SNTG2: variants seen among roughly 807,000 people sequenced by gnomAD.
SNTG2 encodes syntrophin gamma 2, also known as gamma-2-syntrophin.
SNTG2 carries 74 observed loss-of-function variants against 70.9 expected under a neutral mutation model. The observed-to-expected ratio is 1.04, with a 90% CI of 0.86 to 1.27. The LOEUF (loss-of-function observed/expected upper bound fraction) is 1.27. SNTG2 is among the 50% of genes most tolerant of loss of function. The pLI, the probability that SNTG2 is intolerant of heterozygous loss-of-function variation, is 0.00. For synonymous variants in SNTG2, 278 were observed against 273.8 expected (o/e 1.02, Z -0.15); for missense variants, 717 against 690.7 (o/e 1.04, Z -0.43).
chr2:1,189,344 G>A (rs72768810), intron 8 of SNTG2, among the ~76,000 whole-genome samples: 37,951 of 151,804 alleles, frequency 0.25, 5,265 homozygotes, highest in East Asian at 0.44. Flanking sequence ...AATATATATC[G>A]TATGAGGATA....
rs1661276977 is a variant in SNTG2 at position 985,515 on chromosome 2, G to GCCC, written c.72+34449_72+34450insCCC. 2.0e-5 allele frequency among the ~76,000 whole-genome samples: 3 copies of GCCC among 152,226 alleles called. No individual in the cohort carries two copies. In the South Asian group the frequency reaches 6.2e-4, roughly 32 times the overall value. On this transcript the variant is annotated intron_variant, in intron 1 of 16. Transcript: ENST00000308624. ...AGCTCCCCAGCTCCCCCTCTGCTGG[G>GCCC]CCAGGCAGAGACACCCTGGGAGGAT...
rs1216234935 is a variant in SNTG2, at chr2:1,097,447, C to G, written c.211-749C>G. Reference sequence around the variant, plus strand: ...TAGTGTATTTTTGAGGTAAAAGCACCCTTTGGCCACTGTCCGTCTACCCCA... The same window carrying G: ...TAGTGTATTTTTGAGGTAAAAGCACGCTTTGGCCACTGTCCGTCTACCCCA... On this transcript the variant is annotated intron_variant, in intron 2 of 16. Transcript: ENST00000308624. The surrounding 1 kb of genome is among the most constrained non-coding windows in gnomAD (Gnocchi z 4.1). Among the ~76,000 whole-genome samples the G allele has an allele frequency of 2.6e-5, 4 of 152,138 alleles. No individual in the cohort carries two copies. Among genetic ancestry groups the G allele is most frequent in the Non-Finnish European group, 5.9e-5 (4 of 68,028 alleles).
chr2:1,252,748 C>T (rs1677839072), intron 12 of SNTG2, among the ~76,000 whole-genome samples: 1 of 152,148 alleles, frequency 6.6e-6, no homozygotes, highest in African/African-American at 2.4e-5. Context: ...CTCATATTTG[C>T]ACTCCAGCCT....
intron 12 of SNTG2, 129 bp downstream of exon 12, chr2:1,247,572 G>A (rs28694128): frequency 0.28 from 176,917 of 633,794 alleles, 28,162 homozygotes; most frequent in African/African-American, 0.55. Context: ...TGCTGTTTCT[G>A]CATGGTTGGA....
At chr2:1,020,567 T>C (rs1558315640) in intron 1 of SNTG2, among the ~76,000 whole-genome samples, 2 of 59,126 alleles carry the variant, frequency 3.4e-5, no homozygotes, top group Non-Finnish European at 7.3e-5. Flanking sequence ...TTGTAGGAAT[T>C]TTTTTTTTAA....
chr2:1,286,964 G>A lies in SNTG2; in HGVS notation c.1284+19393G>A, dbSNP rs139036948. Among the ~76,000 whole-genome samples the A allele has an allele frequency of 2.0e-3, 300 of 152,232 alleles. 1 individual carries two copies. Among genetic ancestry groups the A allele is most frequent in the Non-Finnish European group, 2.7e-3 (185 of 68,012 alleles). On this transcript the variant is annotated intron_variant, in intron 14 of 16. Transcript: ENST00000308624. ...CAGACATGCTCCTGTGCACTTCCTC[G>A]GCAGGCTCTTCACTCTTTCAGAATG...
chr2:1,308,662 G>C, intron 15 of SNTG2, 76 bp downstream of exon 15: 1 of 1,251,432 alleles, frequency 8.0e-7, no homozygotes, highest in South Asian at 1.3e-5. Context: ...TAACACTCAC[G>C]CATGTCTGGT....
intron 6 of SNTG2, among the ~76,000 whole-genome samples, chr2:1,152,151 C>T (rs571787964): frequency 2.6e-5 from 4 of 152,320 alleles, no homozygotes; most frequent in African/African-American, 7.2e-5. Context: ...TAGATGGTTA[C>T]AGGCCAGGCA....
intron 14 of SNTG2, among the ~76,000 whole-genome samples, chr2:1,296,543 A>G (rs983851577): frequency 6.6e-6 from 1 of 152,222 alleles, no homozygotes; most frequent in African/African-American, 2.4e-5. Flanking sequence ...GGGTCTTATC[A>G]GTCCCCCACA....
At chr2:1,072,337 C>CTTTTTTT (rs1553319303) in intron 1 of SNTG2, among the ~76,000 whole-genome samples, 1 of 120,664 alleles carries the variant, frequency 8.3e-6, no homozygotes, top group Non-Finnish European at 1.7e-5. Context: ...TTTTTCTTTT[C>CTTTTTTT]TTTTTCTTTT....
intron 16 of SNTG2, among the ~76,000 whole-genome samples, chr2:1,346,751 G>A (rs572001050): frequency 6.6e-5 from 10 of 152,296 alleles, no homozygotes; most frequent in Admixed American, 2.0e-4. Context: ...AGAATCTCAT[G>A]TGAACCGTAA....
At chr2:977,851 C>T (rs1449147425) in intron 1 of SNTG2, among the ~76,000 whole-genome samples, 1 of 152,166 alleles carries the variant, frequency 6.6e-6, no homozygotes, top group African/African-American at 2.4e-5. Context: ...GCCTTCCCGC[C>T]TCGTGCCACC....
At chr2:1,357,669 T>G (rs1660924577) in intron 16 of SNTG2, among the ~76,000 whole-genome samples, 1 of 152,160 alleles carries the variant, frequency 6.6e-6, no homozygotes, top group Non-Finnish European at 1.5e-5. Context: ...TTGGAATGTT[T>G]TTGATTACTG....
chr2:1,282,831 G>A (rs1299831289), intron 14 of SNTG2, among the ~76,000 whole-genome samples: 1 of 151,274 alleles, frequency 6.6e-6, no homozygotes, highest in Non-Finnish European at 1.5e-5. Context: ...GATAAGTAGA[G>A]CGCTGGCATT....
chr2:987,430 A>T lies in SNTG2; in HGVS notation c.72+36362A>T, dbSNP rs1333387779. Among the ~76,000 whole-genome samples, 11 of 151,844 alleles carry T rather than the reference A, an allele frequency of 7.2e-5. No individual in the cohort carries two copies. In the East Asian group the frequency reaches 2.1e-3, roughly 30 times the overall value. ...CCTGGGGTGGAGACCTTCTGGGATGATCTTGTGGCCAGTGTGTCACGGGGG... is the reference window on the plus strand; with the variant it reads ...CCTGGGGTGGAGACCTTCTGGGATGTTCTTGTGGCCAGTGTGTCACGGGGG... On this transcript the variant is annotated intron_variant, in intron 1 of 16. Transcript: ENST00000308624.
chr2:964,760 G>T (rs1011763168), intron 1 of SNTG2, among the ~76,000 whole-genome samples: 2 of 152,190 alleles, frequency 1.3e-5, no homozygotes, highest in African/African-American at 4.8e-5. Flanking sequence ...GCCACAGCGG[G>T]TCCCGCCCTG....
intron 9 of SNTG2, among the ~76,000 whole-genome samples, chr2:1,217,834 A>T (rs1190428472): frequency 6.6e-6 from 1 of 152,114 alleles, no homozygotes; most frequent in African/African-American, 2.4e-5. Flanking sequence ...TCAGTTTTCT[A>T]TTGCCATGTA....
chr2:1,187,745 A>G (rs931459683), intron 8 of SNTG2, among the ~76,000 whole-genome samples: 1 of 152,218 alleles, frequency 6.6e-6, no homozygotes, highest in Non-Finnish European at 1.5e-5. Flanking sequence ...AAGAATGGCA[A>G]TTTAGTTGAC....
At chr2:1,000,468 A>T (rs2147987066) in intron 1 of SNTG2, among the ~76,000 whole-genome samples, 1 of 152,026 alleles carries the variant, frequency 6.6e-6, no homozygotes, top group Middle Eastern at 3.4e-3. Context: ...GAAATACAAA[A>T]GATCCTCAGA....
Sources: allele counts gnomAD v4.1 joint callset (sites outside exome capture counted in the v4.1 genomes callset), GRCh38; gene constraint gnomAD v4.1.1; non-coding constraint Gnocchi (gnomAD v3.1); transcripts MANE v1.5; gene names NCBI Gene and HGNC (gene_info 2026-07-23, HGNC 2026-07-21).